PELI1: variants seen among roughly 807,000 people sequenced by gnomAD.
The protein encoded by PELI1 is E3 ubiquitin-protein ligase pellino homolog 1.
In PELI1, 15 loss-of-function variants were observed where a neutral mutation model predicts 41.3. The observed-to-expected ratio is 0.36, with a 90% CI of 0.24 to 0.56. PELI1 has a LOEUF of 0.56. Ranked by LOEUF, PELI1 falls within the 20% of genes least tolerant of loss-of-function variation. The pLI is 0.82. For missense variants in PELI1, 403 were observed against 525.5 expected (o/e 0.77, Z 2.28); for synonymous variants, 178 against 180.1 (o/e 0.99, Z 0.09).
intron 2 of PELI1, among the ~76,000 whole-genome samples, chr2:64,105,896 G>A (rs1043567882): frequency 6.7e-6 from 1 of 150,344 alleles, no homozygotes. Context: ...ACAGTTTTGA[G>A]GCTGGAGGAG....
At chr2:64,124,068 T>C (rs1339730338) in intron 1 of PELI1, among the ~76,000 whole-genome samples, 1 of 152,186 alleles carries the variant, frequency 6.6e-6, no homozygotes. Flanking sequence ...ATTCCATTTA[T>C]ATGAAATGTC....
chr2:64,126,016 C>T (rs992873421), intron 1 of PELI1, among the ~76,000 whole-genome samples: 1 of 152,170 alleles, frequency 6.6e-6, no homozygotes, highest in Non-Finnish European at 1.5e-5. Flanking sequence ...AAAACACTTC[C>T]GGTCCCAAGG....
chr2:64,121,704 G>C (rs569918989), intron 1 of PELI1, among the ~76,000 whole-genome samples: 1 of 152,072 alleles, frequency 6.6e-6, no homozygotes, highest in Non-Finnish European at 1.5e-5. Flanking sequence ...TCAGGAGTTC[G>C]AGACCAGCCT....
chr2:64,100,678 A>G (rs2103672162), intron 3 of PELI1, among the ~76,000 whole-genome samples, 179 bp from the exon 4 acceptor site: 1 of 152,296 alleles, frequency 6.6e-6, no homozygotes, highest in East Asian at 1.9e-4. Flanking sequence ...CTCGGGTTGA[A>G]TGGGGTACTG....
chr2:64,108,781 G>C (rs77943509), intron 1 of PELI1, among the ~76,000 whole-genome samples: 4,599 of 152,278 alleles, frequency 0.03, 81 homozygotes, highest in Non-Finnish European at 0.045. Flanking sequence ...ATATATCCCA[G>C]ACTTGGAGCT....
intron 3 of PELI1, among the ~76,000 whole-genome samples, chr2:64,103,062 C>G (rs553467773): frequency 6.6e-6 from 1 of 152,006 alleles, no homozygotes; most frequent in South Asian, 2.1e-4. Flanking sequence ...AGGCTGGTCT[C>G]GAACTCCCGA....
intron 3 of PELI1, among the ~76,000 whole-genome samples, chr2:64,103,628 A>G (rs1039905592): frequency 2.6e-5 from 4 of 152,204 alleles, no homozygotes; most frequent in African/African-American, 9.6e-5. Context: ...GCTCCCAAAT[A>G]GTAACAGAGG....
At chr2:64,109,139 C>T (rs540746787) in intron 1 of PELI1, among the ~76,000 whole-genome samples, 1 of 152,248 alleles carries the variant, frequency 6.6e-6, no homozygotes, top group South Asian at 2.1e-4. Context: ...AGCTAGACTT[C>T]CACCCCCACC....
intron 1 of PELI1, among the ~76,000 whole-genome samples, chr2:64,141,312 C>CCG (rs1553360222): frequency 3.6e-4 from 52 of 145,888 alleles, no homozygotes; most frequent in African/African-American, 1.2e-3. Flanking sequence ...CCGCCCCCAC[C>CCG]CCAAAGGAGC....
At chr2:64,121,120 G>A (rs1681194678) in intron 1 of PELI1, among the ~76,000 whole-genome samples, 1 of 152,158 alleles carries the variant, frequency 6.6e-6, no homozygotes, top group African/African-American at 2.4e-5. Flanking sequence ...GCGCAGGTAG[G>A]CTGCTTATAT....
intron 1 of PELI1, among the ~76,000 whole-genome samples, chr2:64,137,949 TAA>T (rs1468044014): frequency 3.3e-5 from 5 of 152,218 alleles, no homozygotes; most frequent in Non-Finnish European, 1.5e-5. Context: ...CTCTAAAGTA[TAA>T]GACTTATTTT....
At chr2:64,125,294 C>G (rs1341359648) in intron 1 of PELI1, among the ~76,000 whole-genome samples, 1 of 152,156 alleles carries the variant, frequency 6.6e-6, no homozygotes, top group Middle Eastern at 3.2e-3. Flanking sequence ...CTGATGCCAT[C>G]TCAGGGCCCC....
rs1195534569 is a variant in PELI1, at chr2:64,094,519, C to T, written c.*183G>A. The stretch of plus-strand genomic sequence containing the variant: ...AGAAGACTGATACTTTCAGAAATTC[C>T]TTTGCTTGAGTTTCCCAGATTTTTG... On this transcript the variant is annotated 3_prime_UTR_variant, in exon 7 of 7. Coordinates refer to ENST00000358912, the MANE Select transcript of PELI1 (RefSeq NM_020651.4). 1.6e-5 allele frequency: 8 copies of T among 498,580 alleles called. No homozygotes were observed. Among genetic ancestry groups the T allele is most frequent in the Non-Finnish European group, 2.8e-5 (8 of 283,522 alleles). 30.9% of individuals were successfully genotyped at this position (498,580 alleles called of 1,614,324 possible). A position where few individuals can be genotyped will look rare whatever the true frequency, so the allele number is the denominator to read the frequency against.
At chr2:64,104,113 T>C (rs1303613487) in intron 3 of PELI1, among the ~76,000 whole-genome samples, 1 of 152,228 alleles carries the variant, frequency 6.6e-6, no homozygotes, top group Non-Finnish European at 1.5e-5. Context: ...AGAAGTTATA[T>C]TGTAGATGCA....
At chr2:64,107,741 G>A (rs988136083) in intron 2 of PELI1, among the ~76,000 whole-genome samples, 4 of 151,494 alleles carry the variant, frequency 2.6e-5, no homozygotes, top group African/African-American at 7.3e-5. Context: ...GCAGTGGCGC[G>A]ATCTCAGCTC....
At chr2:64,098,480 T>C (rs1361093917) in intron 4 of PELI1, among the ~76,000 whole-genome samples, 1 of 152,226 alleles carries the variant, frequency 6.6e-6, no homozygotes, top group Non-Finnish European at 1.5e-5. Context: ...TTGCCATCTC[T>C]TTTGCTAGAA....
intron 1 of PELI1, among the ~76,000 whole-genome samples, chr2:64,129,373 G>A (rs749356006): frequency 3.9e-5 from 6 of 152,094 alleles, no homozygotes; most frequent in African/African-American, 1.4e-4. Flanking sequence ...CATAAAGGGA[G>A]GCATTTTAAT....
chr2:64,133,219 T>A lies in PELI1; in HGVS notation c.-70+10862A>T, dbSNP rs535641466. Among the ~76,000 whole-genome samples the A allele has an allele frequency of 5.1e-4, 77 of 152,296 alleles. 1 individual carries two copies. The highest frequency in any genetic ancestry group is 1.9e-3 in the African/African-American group (77 of 41,570). ...TTTTAAGTACCCCCATGAGTTTTCT[T>A]CAATCATTTGTTTTAACATCACTAA... On this transcript the variant is annotated intron_variant, in intron 1 of 6. Coordinates refer to ENST00000358912, the MANE Select transcript of PELI1 (RefSeq NM_020651.4).
intron 1 of PELI1, among the ~76,000 whole-genome samples, chr2:64,142,130 A>G (rs187542401): frequency 6.6e-6 from 1 of 152,232 alleles, no homozygotes; most frequent in African/African-American, 2.4e-5. Context: ...AAGCTAGGTG[A>G]TAGTTTCCTC....
Sources: gnomAD v4.1 joint callset for allele counts (sites outside exome capture counted in the v4.1 genomes callset) on GRCh38, gnomAD v4.1.1 for gene constraint, MANE v1.5 for transcripts, NCBI Gene and HGNC (gene_info 2026-07-23, HGNC 2026-07-21) for gene names.